SLC7A8: variants seen among roughly 807,000 people sequenced by gnomAD.
SLC7A8 encodes solute carrier family 7 member 8.
Under a neutral mutation model 51.2 loss-of-function variants are expected in SLC7A8, and 30 were observed. The observed-to-expected ratio is 0.59, with a 90% CI of 0.44 to 0.80. The LOEUF (loss-of-function observed/expected upper bound fraction) is 0.80, where lower values mean the gene tolerates loss of function less well. Ranked by LOEUF, SLC7A8 falls within the 30% of genes least tolerant of loss-of-function variation. SLC7A8 has a pLI of 0.00. For missense variants in SLC7A8, 612 were observed against 674.4 expected (o/e 0.91, Z 1.03); for synonymous variants, 257 against 275.8 (o/e 0.93, Z 0.67).
intron 3 of SLC7A8, among the ~76,000 whole-genome samples, chr14:23,154,661 C>T (rs1483001979): frequency 6.6e-6 from 1 of 152,196 alleles, no homozygotes; most frequent in Non-Finnish European, 1.5e-5. Context: ...CTCTAACGCA[C>T]ACAACCCAAG....
chr14:23,142,074 T>C (rs1016281299), intron 4 of SLC7A8, among the ~76,000 whole-genome samples: 1 of 152,260 alleles, frequency 6.6e-6, no homozygotes, highest in Admixed American at 6.5e-5. Flanking sequence ...ATATATAACC[T>C]GTTAAAGAAC....
intron 5 of SLC7A8, 80 bp from the exon 6 acceptor site, chr14:23,139,627 G>A (rs962765203): frequency 5.9e-6 from 9 of 1,516,046 alleles, no homozygotes; most frequent in Non-Finnish European, 7.1e-6. Context: ...GGTGTCTTCT[G>A]TCTTTCTGCA....
At chr14:23,174,060 T>C (rs933682906) in intron 1 of SLC7A8, among the ~76,000 whole-genome samples, 2 of 152,226 alleles carry the variant, frequency 1.3e-5, no homozygotes, top group African/African-American at 4.8e-5. Context: ...TAAGACTATC[T>C]CTAAAGCCCA....
At chr14:23,181,341 A>G (rs1983698) in intron 1 of SLC7A8, among the ~76,000 whole-genome samples, 120,270 of 151,716 alleles carry the variant, frequency 0.79, 48,689 homozygotes, top group East Asian at 0.99. Flanking sequence ...CATGACTACA[A>G]TTTTTCTTAT....
chr14:23,141,616 AT>A (rs34404210), intron 4 of SLC7A8, among the ~76,000 whole-genome samples: 126,112 of 151,854 alleles, frequency 0.83, 55,829 homozygotes, highest in East Asian at 1. Context: ...TGCCTGGCTA[AT>A]TTTTTTTTGT....
intron 3 of SLC7A8, among the ~76,000 whole-genome samples, chr14:23,160,382 T>C (rs1230765894): frequency 6.6e-6 from 1 of 152,066 alleles, no homozygotes; most frequent in Non-Finnish European, 1.5e-5. Flanking sequence ...CCATTCTGGC[T>C]AACAAGGTGA....
At chr14:23,161,730 C>A (rs530788395) in intron 3 of SLC7A8, among the ~76,000 whole-genome samples, 1 of 152,086 alleles carries the variant, frequency 6.6e-6, no homozygotes, top group Non-Finnish European at 1.5e-5. Flanking sequence ...GAGTTTGAGA[C>A]CAGTCTGACC....
rs117878694 is a variant in SLC7A8, at chr14:23,125,909, C to G, written c.*1268G>C. 784 of 152,856 alleles carry G rather than the reference C, an allele frequency of 5.1e-3. 25 individuals carry two copies. In the East Asian group the frequency reaches 0.081, roughly 16 times the overall value. The allele number at this position is 152,856 out of a possible 1,614,324, so 9.5% of individuals were successfully genotyped here. On this transcript the variant is annotated 3_prime_UTR_variant, in exon 11 of 11. Coordinates refer to ENST00000316902, the MANE Select transcript of SLC7A8 (RefSeq NM_012244.4). ...ACAGAGGAGGGCCTTTTTTGAGGATCTCCAGAGTGGGCGCCCTGCTGCCAC... is the reference window on the plus strand; with the variant it reads ...ACAGAGGAGGGCCTTTTTTGAGGATGTCCAGAGTGGGCGCCCTGCTGCCAC...
intron 8 of SLC7A8, among the ~76,000 whole-genome samples, chr14:23,130,923 T>C (rs942364237): frequency 2.6e-5 from 4 of 152,258 alleles, no homozygotes; most frequent in African/African-American, 9.6e-5. Context: ...CTCCCATCTC[T>C]TTCCTGTCCC....
intron 4 of SLC7A8, among the ~76,000 whole-genome samples, chr14:23,141,218 G>A (rs985029061): frequency 6.6e-6 from 1 of 152,156 alleles, no homozygotes; most frequent in African/African-American, 2.4e-5. Flanking sequence ...CCAGGAGTTT[G>A]AGGCTGCAGT....
intron 3 of SLC7A8, among the ~76,000 whole-genome samples, chr14:23,162,468 G>A (rs1469936615): frequency 6.6e-6 from 1 of 152,244 alleles, no homozygotes; most frequent in African/African-American, 2.4e-5. Flanking sequence ...TAATTTCCTT[G>A]CAGTTCTGCT....
chr14:23,137,228 G>A (rs61492401), intron 7 of SLC7A8, among the ~76,000 whole-genome samples: 365 of 152,290 alleles, frequency 2.4e-3, no homozygotes, highest in African/African-American at 8.3e-3. Flanking sequence ...GGACCCGCTC[G>A]CACTTCTGGC....
intron 5 of SLC7A8, 119 bp from the exon 6 acceptor site, chr14:23,139,666 G>T (rs1277561871): frequency 2.4e-6 from 3 of 1,272,094 alleles, no homozygotes; most frequent in African/African-American, 3.0e-5. Flanking sequence ...CTTCTGTGAG[G>T]CTTCCTTTCC....
chr14:23,136,509 C>T (rs1263837424), intron 7 of SLC7A8, among the ~76,000 whole-genome samples: 1 of 152,130 alleles, frequency 6.6e-6, no homozygotes, highest in Non-Finnish European at 1.5e-5. Flanking sequence ...CACTCTGACT[C>T]TTCAGGAAGG....
Position 23,182,825 on chromosome 14 carries a change from T to C in SLC7A8, c.90A>G (p.Gly30=). The change falls in exon 1 of 11, where the codon GGA becomes GGG. Residue 30 remains glycine, a synonymous_variant. Transcript: ENST00000316902. ...ESDASPEAGS[G]GGGVALKKEI... is the part of the protein sequence containing the mutation. The stretch of plus-strand genomic sequence containing the variant: ...CTTTCTTCAGGGCTACTCCGCCCCC[T>C]CCGGAACCAGCCTCGGGGCTGGCGT... 6.2e-7 allele frequency: 1 copy of C among 1,613,796 alleles called. No homozygotes were observed. The highest frequency in any genetic ancestry group is 8.5e-7 in the Non-Finnish European group (1 of 1,179,872).
rs529964589 is a variant in SLC7A8, at chr14:23,142,154, A to G, written c.634+925T>C. Among the ~76,000 whole-genome samples the G allele has an allele frequency of 1.9e-3, 282 of 152,354 alleles. 1 individual carries two copies. The highest frequency in any genetic ancestry group is 6.5e-3 in the African/African-American group (272 of 41,580). ...ACTTAATTATGTTTCCTGGAGTAGA[A>G]GTCCGGGCTGCCCACACTGCCTTCA... is the stretch of plus-strand genomic sequence containing the variant. On this transcript the variant is annotated intron_variant, in intron 4 of 10. Coordinates refer to ENST00000316902, the MANE Select transcript of SLC7A8 (RefSeq NM_012244.4).
At chr14:23,143,027 A>G in intron 4 of SLC7A8, 52 bp downstream of exon 4, 10 of 1,605,300 alleles carry the variant, frequency 6.2e-6, no homozygotes, top group Non-Finnish European at 8.5e-6. Context: ...GAGGGTGTGT[A>G]CATGCAAGGG....
chr14:23,178,344 A>C (rs1411732001), intron 1 of SLC7A8, among the ~76,000 whole-genome samples: 1 of 152,190 alleles, frequency 6.6e-6, no homozygotes, highest in Admixed American at 6.5e-5. Flanking sequence ...TTCCTTAGCC[A>C]AGTACATGGA....
chr14:23,161,132 G>A (rs765311538), intron 3 of SLC7A8, among the ~76,000 whole-genome samples: 18 of 151,798 alleles, frequency 1.2e-4, no homozygotes, highest in Non-Finnish European at 2.2e-4. Context: ...TCCCCGACCC[G>A]CTCAGGATCC....
Sources: allele counts gnomAD v4.1 joint callset (sites outside exome capture counted in the v4.1 genomes callset), GRCh38; gene constraint gnomAD v4.1.1; transcripts MANE v1.5; gene names NCBI Gene and HGNC (gene_info 2026-07-23, HGNC 2026-07-21).